Variants in PLPPR1 observed in about 807,000 individuals in gnomAD.
The protein encoded by PLPPR1 is phospholipid phosphatase-related protein type 1.
A neutral mutation model predicts 33.1 loss-of-function variants in PLPPR1; 10 were observed. The observed-to-expected ratio is 0.30, with a 90% CI of 0.19 to 0.51. The LOEUF is 0.51. Among genes scored for constraint, PLPPR1 ranks in the 20% least tolerant of loss-of-function variants. The probability of loss-of-function intolerance (pLI) is 0.97; values close to 1 mark genes in which losing one functional copy is unlikely to be tolerated. For synonymous variants in PLPPR1, 151 were observed against 151.0 expected (o/e 1.00, Z 0.00); for missense variants, 304 against 408.1 (o/e 0.74, Z 2.20).
chr9:101,238,864 C>A (rs1827389823), intron 2 of PLPPR1, among the ~76,000 whole-genome samples: 1 of 151,804 alleles, frequency 6.6e-6, no homozygotes, highest in Admixed American at 6.6e-5. Context: ...GCTTTCTATT[C>A]ATTAACCAAC....
intron 2 of PLPPR1, among the ~76,000 whole-genome samples, chr9:101,190,547 T>C (rs1002022683): frequency 8.6e-5 from 13 of 151,982 alleles, no homozygotes; most frequent in African/African-American, 3.1e-4. Context: ...ATGAGCAGAG[T>C]TTTGACTTGG....
chr9:101,288,752 ATTTGTGTTT>A (rs1828440116), intron 4 of PLPPR1, among the ~76,000 whole-genome samples: 2 of 152,110 alleles, frequency 1.3e-5, no homozygotes, highest in African/African-American at 2.4e-5. Context: ...AAGTCTGATT[ATTTGTGTTT>A]TCGCAAGTCA....
At chr9:101,199,635 A>G (rs956311081) in intron 2 of PLPPR1, among the ~76,000 whole-genome samples, 4 of 152,164 alleles carry the variant, frequency 2.6e-5, no homozygotes, top group Admixed American at 2.0e-4. Flanking sequence ...CCATATACTC[A>G]TTATATTTTC....
chr9:101,278,239 A>G (rs1363275398), intron 3 of PLPPR1, among the ~76,000 whole-genome samples: 3 of 152,226 alleles, frequency 2.0e-5, no homozygotes, highest in Non-Finnish European at 2.9e-5. Context: ...TCTGAAATCT[A>G]AAAACTTCCT....
chr9:101,143,270 A>C (rs959740391), intron 1 of PLPPR1, among the ~76,000 whole-genome samples: 2 of 152,164 alleles, frequency 1.3e-5, no homozygotes, highest in Non-Finnish European at 1.5e-5. Flanking sequence ...AGAGATTACC[A>C]GACAGACTAG....
intron 1 of PLPPR1, among the ~76,000 whole-genome samples, chr9:101,031,285 G>A (rs772900369): frequency 2.1e-4 from 32 of 152,096 alleles, no homozygotes; most frequent in Non-Finnish European, 1.2e-4. Context: ...TCATCTGCAA[G>A]ATCAGTTTAT....
intron 1 of PLPPR1, among the ~76,000 whole-genome samples, chr9:101,166,130 C>G (rs771282614): frequency 5.9e-5 from 9 of 152,236 alleles, no homozygotes; most frequent in Admixed American, 2.0e-4. Flanking sequence ...CAGGCCCTGC[C>G]TCTTCTCCAG....
chr9:101,096,294 G>A (rs1588026071), intron 1 of PLPPR1, among the ~76,000 whole-genome samples: 4 of 152,296 alleles, frequency 2.6e-5, no homozygotes, highest in Admixed American at 2.6e-4. Flanking sequence ...CATAATCACA[G>A]TGGGAAGTGG....
At chr9:101,282,786 A>G (rs916172309) in intron 3 of PLPPR1, among the ~76,000 whole-genome samples, 1 of 152,282 alleles carries the variant, frequency 6.6e-6, no homozygotes, top group East Asian at 1.9e-4. Flanking sequence ...GTAAATAATA[A>G]TCCTATTTAT....
intron 1 of PLPPR1, among the ~76,000 whole-genome samples, chr9:101,047,215 T>C (rs1337632314): frequency 6.6e-6 from 1 of 152,216 alleles, no homozygotes; most frequent in African/African-American, 2.4e-5. Flanking sequence ...TATACATACA[T>C]TTAGTCCTTT....
At chr9:101,107,614 C>T (rs1296642593) in intron 1 of PLPPR1, among the ~76,000 whole-genome samples, 2 of 79,766 alleles carry the variant, frequency 2.5e-5, no homozygotes, top group Non-Finnish European at 4.9e-5. Context: ...TTGTCTGTGC[C>T]CTGCCCCTAG....
At chr9:101,057,957 C>T (rs1830297707) in intron 1 of PLPPR1, among the ~76,000 whole-genome samples, 2 of 152,040 alleles carry the variant, frequency 1.3e-5, no homozygotes, top group African/African-American at 4.8e-5. Context: ...CTGGGGAGTA[C>T]AACATGATGG....
intron 1 of PLPPR1, among the ~76,000 whole-genome samples, chr9:101,086,041 T>G (rs1564140659): frequency 6.6e-6 from 1 of 152,256 alleles, no homozygotes; most frequent in South Asian, 2.1e-4. Context: ...CCTAGTTTAT[T>G]GAGTGTTTTT....
intron 1 of PLPPR1, among the ~76,000 whole-genome samples, chr9:101,075,926 C>T (rs895190380): frequency 1.3e-5 from 2 of 151,958 alleles, no homozygotes; most frequent in African/African-American, 2.4e-5. Flanking sequence ...TCAGAGGGAA[C>T]AATCAGTGCA....
At chr9:101,053,593 A>T (rs971031138) in intron 1 of PLPPR1, among the ~76,000 whole-genome samples, 1 of 152,158 alleles carries the variant, frequency 6.6e-6, no homozygotes, top group African/African-American at 2.4e-5. Flanking sequence ...AGGAATGATA[A>T]TTCCTCGGCC....
At chr9:101,291,797 C>A (rs1828514661) in intron 4 of PLPPR1, among the ~76,000 whole-genome samples, 2 of 152,202 alleles carry the variant, frequency 1.3e-5, no homozygotes, top group African/African-American at 2.4e-5. Context: ...CTGTACATCA[C>A]CATCATCAAA....
At chr9:101,077,020 G>A (rs1169305847) in intron 1 of PLPPR1, among the ~76,000 whole-genome samples, 1 of 152,110 alleles carries the variant, frequency 6.6e-6, no homozygotes, top group East Asian at 1.9e-4. Flanking sequence ...TCCCATTACT[G>A]GAGGTGTTAC....
At chr9:101,251,741 G>T (rs2118866300) in intron 2 of PLPPR1, among the ~76,000 whole-genome samples, 1 of 152,196 alleles carries the variant, frequency 6.6e-6, no homozygotes, top group African/African-American at 2.4e-5. Context: ...GGTTGGAAAT[G>T]ACAGAAATGA....
At chr9:101,156,586 GAAAA>G (rs1304411678) in intron 1 of PLPPR1, among the ~76,000 whole-genome samples, 1 of 129,742 alleles carries the variant, frequency 7.7e-6, no homozygotes, top group Admixed American at 7.6e-5. Context: ...AAGAAAGAAA[GAAAA>G]AAAAGAAATA....
Sources: gnomAD v4.1 joint callset for allele counts (sites outside exome capture counted in the v4.1 genomes callset) on GRCh38, gnomAD v4.1.1 for gene constraint, MANE v1.5 for transcripts, NCBI Gene and HGNC (gene_info 2026-07-23, HGNC 2026-07-21) for gene names.